PLEKHG3: variants seen among roughly 807,000 people sequenced by gnomAD.
PLEKHG3 encodes the protein pleckstrin homology domain-containing family G member 3.
A neutral mutation model predicts 94.9 loss-of-function variants in PLEKHG3; 62 were observed. The observed-to-expected ratio is 0.65, with a 90% CI of 0.53 to 0.81. The LOEUF is 0.81. Among genes scored for constraint, PLEKHG3 ranks in the 30% least tolerant of loss-of-function variants. The pLI is 0.00. For missense variants in PLEKHG3, 1,461 were observed against 1,619.3 expected (o/e 0.90, Z 1.68); for synonymous variants, 614 against 654.0 (o/e 0.94, Z 0.93).
At position 64,723,126 on chromosome 14, in the gene PLEKHG3, A is replaced by G. The variant is rs977324405; in HGVS notation, c.-39-4467A>G. Among the ~76,000 whole-genome samples the G allele has an allele frequency of 1.3e-5, 2 of 152,030 alleles. No homozygotes were observed. Among genetic ancestry groups the G allele is most frequent in the South Asian group, 2.1e-4 (1 of 4,810 alleles). On this transcript the variant is annotated intron_variant, in intron 1 of 16. Transcript: ENST00000247226. This position sits in a 1 kb window ranked among gnomAD's most constrained non-coding sequence, Gnocchi z 4.5. ...GCCTCTGCACCTGCAATATTCAGGG[A>G]AGCTCCTCCAGAGGGTAGGTGTGGG...
In PLEKHG3 at chr14:64,732,370, G is replaced by T. The variant is rs543857595; in HGVS notation, c.1213-57G>T. ...CGTACAGCAACAGTGGGTCCTATGG[G>T]CAGGGAAGGCCGGCACATGGTAAGG... On this transcript the variant is annotated intron_variant, in intron 10 of 16. Transcript: ENST00000247226. This position sits in a 1 kb window ranked among gnomAD's most constrained non-coding sequence, Gnocchi z 4.9. 229 of 1,527,446 alleles carry T rather than the reference G, an allele frequency of 1.5e-4. 1 individual carries two copies. The East Asian group carries it at 4.5e-3, about 30-fold the overall frequency. 94.6% of individuals were successfully genotyped at this position (1,527,446 alleles called of 1,614,324 possible).
Position 64,743,003 on chromosome 14 carries a change from C to T in PLEKHG3, c.2960C>T (p.Ser987Phe). The T allele has an allele frequency of 6.2e-7, 1 of 1,613,260 alleles. No individual in the cohort carries two copies. Among genetic ancestry groups the T allele is most frequent in the Non-Finnish European group, 8.5e-7 (1 of 1,179,796 alleles). Reference sequence around the variant, plus strand: ...ATAGGTAAGAGGAAGCCGGTGCTGTCTCTATTTGACTATGAGCAGCTGATG... The same window carrying T: ...ATAGGTAAGAGGAAGCCGGTGCTGTTTCTATTTGACTATGAGCAGCTGATG... ...GGKGKRKPVLSLFDYEQLMAQ... is the reference protein window; with the variant it reads ...GGKGKRKPVLFLFDYEQLMAQ... The change falls in exon 17 of 17, where the codon TCT becomes TTT. Residue 987 changes from serine to phenylalanine, a missense_variant. By Grantham distance (155) the Ser-to-Phe change is radical. This residue lies in a region of PLEKHG3 where 1,201 missense variants were observed against 1,295.5 expected (regional missense o/e 0.93). Coordinates refer to ENST00000247226, the MANE Select transcript of PLEKHG3 (RefSeq NM_001308147.2). This position sits in a 1 kb window ranked among gnomAD's most constrained non-coding sequence, Gnocchi z 7.2.
At chr14:64,734,258 T>C (rs1470916494) in intron 12 of PLEKHG3, among the ~76,000 whole-genome samples, 1 of 152,224 alleles carries the variant, frequency 6.6e-6, no homozygotes, top group Non-Finnish European at 1.5e-5. Context: ...TGCTTTCTTC[T>C]CTCTAGCCCT....
Position 64,742,394 on chromosome 14 carries a change from T to G in PLEKHG3, c.2877T>G (p.Asp959Glu). The change falls in exon 16 of 17, where the codon GAT (aspartate) becomes GAG (glutamate). Residue 959 changes from aspartate to glutamate, a missense_variant. Around this residue, in one of 3 missense-constraint regions of PLEKHG3, gnomAD observed 1,201 missense variants for 1,295.5 expected, o/e 0.93. Coordinates refer to ENST00000247226, the MANE Select transcript of PLEKHG3 (RefSeq NM_001308147.2). ...LQWEKVAPER[D>E]GKSPTVPCLQ... Reference sequence around the variant, plus strand: ...GGGAAAAGGTGGCCCCTGAGAGGGATGGGAAGAGCCCCACTGTGCCCTGTC... The same window carrying G: ...GGGAAAAGGTGGCCCCTGAGAGGGAGGGGAAGAGCCCCACTGTGCCCTGTC... 2.5e-6 allele frequency: 4 copies of G among 1,612,752 alleles called. No homozygotes were observed. Among genetic ancestry groups the G allele is most frequent in the Non-Finnish European group, 3.4e-6 (4 of 1,179,992 alleles).
rs1359036040 is a variant in PLEKHG3 at position 64,717,480 on chromosome 14, T to C, written c.-39-10113T>C. 1.3e-5 allele frequency among the ~76,000 whole-genome samples: 2 copies of C among 152,126 alleles called. No homozygotes were observed. The highest frequency in any genetic ancestry group is 2.9e-5 in the Non-Finnish European group (2 of 68,012). On this transcript the variant is annotated intron_variant, in intron 1 of 16. Transcript: ENST00000247226. This position sits in a 1 kb window ranked among gnomAD's most constrained non-coding sequence, Gnocchi z 4.7. ...AGGAAAAAACCCTTGGGTAGTAAGA[T>C]GCACACAAACTCCTCCCCCAGCCCA...
Position 64,731,710 on chromosome 14 carries a change from C to T in PLEKHG3, c.1033-4C>T. On this transcript the variant is annotated splice_polypyrimidine_tract_variant and splice_region_variant and intron_variant, in intron 8 of 16. Coordinates refer to ENST00000247226, the MANE Select transcript of PLEKHG3 (RefSeq NM_001308147.2). The surrounding 1 kb of genome is among the most constrained non-coding windows in gnomAD (Gnocchi z 6.1). ...GCTTGACTGTCCTTTCCCTCTGCCC[C>T]TAGTGCTCCTCCCTGATGCTGATCG... The T allele has an allele frequency of 1.2e-6, 2 of 1,610,028 alleles. No homozygotes were observed. Among genetic ancestry groups the T allele is most frequent in the Admixed American group, 3.3e-5 (2 of 60,012 alleles).
chr14:64,743,848 T>A lies in PLEKHG3; in HGVS notation c.*145T>A. The stretch of plus-strand genomic sequence containing the variant: ...CATCCCCTCCGCCCTTCAGGAAGGA[T>A]GCTCCCGTGTGCAGGGGTCTCCTGC... On this transcript the variant is annotated 3_prime_UTR_variant, in exon 17 of 17. Coordinates refer to ENST00000247226, the MANE Select transcript of PLEKHG3 (RefSeq NM_001308147.2). This position sits in a 1 kb window ranked among gnomAD's most constrained non-coding sequence, Gnocchi z 7.2. 1.2e-6 allele frequency: 1 copy of A among 839,728 alleles called. No homozygotes were observed. The allele number at this position is 839,728 out of a possible 1,614,324, so 52.0% of individuals were successfully genotyped here.
chr14:64,735,017 C>T (rs1480332393), intron 12 of PLEKHG3, among the ~76,000 whole-genome samples: 5 of 152,164 alleles, frequency 3.3e-5, no homozygotes, highest in South Asian at 2.1e-4. Flanking sequence ...TGAGCCATCC[C>T]GCCTAGCTGA....
chr14:64,737,895 G>A (rs1331788578), intron 14 of PLEKHG3: 13 of 1,207,720 alleles, frequency 1.1e-5, no homozygotes, highest in Non-Finnish European at 1.4e-5. Context: ...CCTGGACTTT[G>A]GGCAGCCCTC....
chr14:64,731,813 G>T lies in PLEKHG3; in HGVS notation c.1125+7G>T. The T allele has an allele frequency of 6.2e-7, 1 of 1,600,998 alleles. No homozygotes were observed. Among genetic ancestry groups the T allele is most frequent in the Non-Finnish European group, 8.6e-7 (1 of 1,168,444 alleles). ...GCAGCAGTACAGCATCCAGGTGAGG[G>T]GAAGGTGGGGCTCAGGGGCTAGGGA... On this transcript the variant is annotated splice_region_variant and intron_variant, in intron 9 of 16. Transcript: ENST00000247226. The surrounding 1 kb of genome is among the most constrained non-coding windows in gnomAD (Gnocchi z 6.1).
rs2081916311 is a variant in PLEKHG3, at chr14:64,749,818, A to G, written c.*6115A>G. On this transcript the variant is annotated 3_prime_UTR_variant, in exon 17 of 17. Coordinates refer to ENST00000247226, the MANE Select transcript of PLEKHG3 (RefSeq NM_001308147.2). This position sits in a 1 kb window ranked among gnomAD's most constrained non-coding sequence, Gnocchi z 4.7. ...CCAGACCCCTCTCAGGCAGCCCAGCACTTTCTGAGAGGTCAAAGTCTGGAC... is the reference window on the plus strand; with the variant it reads ...CCAGACCCCTCTCAGGCAGCCCAGCGCTTTCTGAGAGGTCAAAGTCTGGAC... 2 of 1,488,102 alleles carry G rather than the reference A, an allele frequency of 1.3e-6. No homozygotes were observed. Among genetic ancestry groups the G allele is most frequent in the Non-Finnish European group, 1.9e-6 (2 of 1,080,528 alleles). 92.2% of individuals were successfully genotyped at this position (1,488,102 alleles called of 1,614,324 possible). A position where few individuals can be genotyped will look rare whatever the true frequency, so the allele number is the denominator to read the frequency against.
chr14:64,706,517 A>G (rs182613029), intron 1 of PLEKHG3, among the ~76,000 whole-genome samples: 197 of 152,346 alleles, frequency 1.3e-3, no homozygotes, highest in African/African-American at 3.7e-3. Context: ...ATTTGTGGAA[A>G]GTGCTCCATA....
At position 64,715,842 on chromosome 14, in the gene PLEKHG3, GC is replaced by G; in HGVS notation, c.-40+11144del. 5.8e-6 allele frequency: 2 copies of G among 343,740 alleles called. No individual in the cohort carries two copies. Among genetic ancestry groups the G allele is most frequent in the Non-Finnish European group, 5.8e-6 (1 of 173,020 alleles). 21.3% of individuals were successfully genotyped at this position (343,740 alleles called of 1,614,324 possible). ...GGGAAGTTGCATTTCCTGGGCTAGG[GC>G]CCCCCAGCAATCAGGAATGAGAGAA... On this transcript the variant is annotated intron_variant, in intron 1 of 16. Coordinates refer to ENST00000247226, the MANE Select transcript of PLEKHG3 (RefSeq NM_001308147.2). This position sits in a 1 kb window ranked among gnomAD's most constrained non-coding sequence, Gnocchi z 4.4.
At position 64,749,197 on chromosome 14, in the gene PLEKHG3, G is replaced by A. The variant is rs2081900623; in HGVS notation, c.*5494G>A. ...CGTGGGGCCCGGGGGCCCGGCCCGC[G>A]ACTCGACTCATCTCGATTCGACCGG... On this transcript the variant is annotated 3_prime_UTR_variant, in exon 17 of 17. Transcript: ENST00000247226. This position sits in a 1 kb window ranked among gnomAD's most constrained non-coding sequence, Gnocchi z 4.7. The A allele has an allele frequency of 3.6e-6, 5 of 1,374,128 alleles. No individual in the cohort carries two copies. Among genetic ancestry groups the A allele is most frequent in the African/African-American group, 2.9e-5 (2 of 69,022 alleles). The allele number at this position is 1,374,128 out of a possible 1,614,324, so 85.1% of individuals were successfully genotyped here.
chr14:64,738,292 C>CAG lies in PLEKHG3; in HGVS notation c.1405-450_1405-449insAG. On this transcript the variant is annotated intron_variant, in intron 14 of 16. Coordinates refer to ENST00000247226, the MANE Select transcript of PLEKHG3 (RefSeq NM_001308147.2). This position sits in a 1 kb window ranked among gnomAD's most constrained non-coding sequence, Gnocchi z 4.8. Reference sequence around the variant, plus strand: ...TGGGATGTGCATGCCCACCCGAGGGCCCCCTCTGCTGCCCTCCTCACCCCA... The same window carrying CAG: ...TGGGATGTGCATGCCCACCCGAGGGCAGCCCCTCTGCTGCCCTCCTCACCCCA... 1 of 1,044,164 alleles carries CAG rather than the reference C, an allele frequency of 9.6e-7. No homozygotes were observed. The highest frequency in any genetic ancestry group is 1.3e-6 in the Non-Finnish European group (1 of 775,064). The allele number at this position is 1,044,164 out of a possible 1,614,324, so 64.7% of individuals were successfully genotyped here. A position where few individuals can be genotyped will look rare whatever the true frequency, so the allele number is the denominator to read the frequency against.
rs929645844 is a variant in PLEKHG3 at position 64,717,838 on chromosome 14, C to A, written c.-39-9755C>A. On this transcript the variant is annotated intron_variant, in intron 1 of 16. Transcript: ENST00000247226. This position sits in a 1 kb window ranked among gnomAD's most constrained non-coding sequence, Gnocchi z 4.7. ...GCCACAGCCCATATCATGGTTTGGACCTTTTTAGGGCACATTCTGACACCT... is the reference window on the plus strand; with the variant it reads ...GCCACAGCCCATATCATGGTTTGGAACTTTTTAGGGCACATTCTGACACCT... 1.3e-5 allele frequency among the ~76,000 whole-genome samples: 2 copies of A among 152,236 alleles called. No individual in the cohort carries two copies. The highest frequency in any genetic ancestry group is 4.8e-5 in the African/African-American group (2 of 41,462).
chr14:64,705,213 G>A (rs1479070283), intron 1 of PLEKHG3, among the ~76,000 whole-genome samples: 4 of 152,220 alleles, frequency 2.6e-5, no homozygotes, highest in African/African-American at 4.8e-5. Flanking sequence ...GAGAGTGGGG[G>A]CCAGAAGCGG....
chr14:64,732,355 C>A lies in PLEKHG3; in HGVS notation c.1213-72C>A. On this transcript the variant is annotated intron_variant, in intron 10 of 16. Coordinates refer to ENST00000247226, the MANE Select transcript of PLEKHG3 (RefSeq NM_001308147.2). The surrounding 1 kb of genome is among the most constrained non-coding windows in gnomAD (Gnocchi z 4.9). ...ACTGTGGGGTGTCCTCGTACAGCAA[C>A]AGTGGGTCCTATGGGCAGGGAAGGC... 1 of 1,421,780 alleles carries A rather than the reference C, an allele frequency of 7.0e-7. No individual in the cohort carries two copies. Among genetic ancestry groups the A allele is most frequent in the Non-Finnish European group, 1.0e-6 (1 of 1,004,960 alleles). The allele number at this position is 1,421,780 out of a possible 1,614,324, so 88.1% of individuals were successfully genotyped here.
rs2081917706 is a variant in PLEKHG3 at position 64,749,905 on chromosome 14, A to G, written c.*6202A>G. On this transcript the variant is annotated 3_prime_UTR_variant, in exon 17 of 17. Transcript: ENST00000247226. This position sits in a 1 kb window ranked among gnomAD's most constrained non-coding sequence, Gnocchi z 4.7. Reference sequence around the variant, plus strand: ...AGCTCAGGCCTGGCACTGGTCCCCTACAGAGGGCCTCTGCCCTGCCACTAA... The same window carrying G: ...AGCTCAGGCCTGGCACTGGTCCCCTGCAGAGGGCCTCTGCCCTGCCACTAA... 8.8e-6 allele frequency: 14 copies of G among 1,592,632 alleles called. No homozygotes were observed. The highest frequency in any genetic ancestry group is 1.0e-5 in the Non-Finnish European group (12 of 1,160,962).
Sources: allele counts gnomAD v4.1 joint callset (sites outside exome capture counted in the v4.1 genomes callset), GRCh38; gene constraint gnomAD v4.1.1; regional missense constraint gnomAD v4.1.1; non-coding constraint Gnocchi (gnomAD v3.1); transcripts MANE v1.5; gene names NCBI Gene and HGNC (gene_info 2026-07-23, HGNC 2026-07-21).